The following TLR10 variants were observed in gnomAD, a reference collection of about 807,000 sequenced individuals.
The protein encoded by TLR10 is toll like receptor 10.
For synonymous variants in TLR10, 288 were observed against 338.8 expected, an observed-to-expected ratio of 0.85 and a Z score of 1.65; for missense variants, 929 against 932.9, an observed-to-expected ratio of 1.00 and a Z score of 0.05.
chr4:38,773,123 G>A lies in TLR10; in HGVS notation c.*32C>T. On this transcript the variant is annotated 3_prime_UTR_variant, in exon 4 of 4. Coordinates refer to ENST00000308973, the MANE Select transcript of TLR10 (RefSeq NM_030956.4). ...ATCAATGTACATCCCAACAGTGTAT[G>A]TGGTCCCCAACTTCCCAAGGACTGT... is the stretch of plus-strand genomic sequence containing the variant. The A allele has an allele frequency of 6.7e-7, 1 of 1,500,332 alleles. No homozygotes were observed. The highest frequency in any genetic ancestry group is 8.8e-7 in the Non-Finnish European group (1 of 1,130,374). 92.9% of individuals were successfully genotyped at this position (1,500,332 alleles called of 1,614,324 possible).
At position 38,772,243 on chromosome 4, in the gene TLR10, T is replaced by A. The variant is rs543865486; in HGVS notation, c.*912A>T. ...AGCCAAATGAGTAGGATGTGTAGGC[T>A]GTAAAAACTATCTTTATTTTTTTTC... On this transcript the variant is annotated 3_prime_UTR_variant, in exon 4 of 4. Transcript: ENST00000308973. 2 of 152,234 alleles carry A rather than the reference T, an allele frequency of 1.3e-5. No individual in the cohort carries two copies. The highest frequency in any genetic ancestry group is 4.8e-5 in the African/African-American group (2 of 41,456). The allele number at this position is 152,234 out of a possible 1,614,324, so 9.4% of individuals were successfully genotyped here.
rs1478012327 is a variant in TLR10 at position 38,774,649 on chromosome 4, A to T, written c.942T>A (p.Ile314=). Residue 314 remains isoleucine (I), a synonymous_variant, in exon 4 of 4, where the codon ATT becomes ATA. Coordinates refer to ENST00000308973, the MANE Select transcript of TLR10 (RefSeq NM_030956.4). ...LEHVHFRVFY[I]QQDKIYLLLT... ...AAAGCAAATAGATTTTATCCTGTTG[A>T]ATGTAAAACACTCTGAAATGTACAT... 1 of 1,567,686 alleles carries T rather than the reference A, an allele frequency of 6.4e-7. No individual in the cohort carries two copies. Among genetic ancestry groups the T allele is most frequent in the South Asian group, 1.2e-5 (1 of 82,072 alleles).
At chr4:38,782,093 G>T (rs1475653990) in intron 1 of TLR10, among the ~76,000 whole-genome samples, 2 of 152,076 alleles carry the variant, frequency 1.3e-5, no homozygotes, top group African/African-American at 4.8e-5. Context: ...AAGATGTAAC[G>T]ACATCCTAAG....
chr4:38,779,496 G>GA lies in TLR10; in HGVS notation c.-568-3071dup, dbSNP rs1246577035. Among the ~76,000 whole-genome samples, 17 of 152,186 alleles carry GA rather than the reference G, an allele frequency of 1.1e-4. No homozygotes were observed. In the South Asian group the frequency reaches 1.5e-3, roughly 13 times the overall value. ...TAAATATAACACAGGATAATTATCA[G>GA]AAAAAACAGGTGAATATTCTATTTA... On this transcript the variant is annotated intron_variant, in intron 1 of 3. Transcript: ENST00000308973.
At chr4:38,781,791 A>G (rs566550203) in intron 1 of TLR10, among the ~76,000 whole-genome samples, 1 of 152,380 alleles carries the variant, frequency 6.6e-6, no homozygotes, top group Non-Finnish European at 1.5e-5. Context: ...ATGTTGAATG[A>G]TCTTTGCAAC....
chr4:38,780,275 G>A (rs556863508), intron 1 of TLR10, among the ~76,000 whole-genome samples: 1 of 152,104 alleles, frequency 6.6e-6, no homozygotes, highest in Non-Finnish European at 1.5e-5. Flanking sequence ...GTGGTGGCAT[G>A]TGCCTGTAGT....
chr4:38,780,653 C>G (rs777642368), intron 1 of TLR10, among the ~76,000 whole-genome samples: 1 of 152,022 alleles, frequency 6.6e-6, no homozygotes, highest in South Asian at 2.1e-4. Flanking sequence ...TCGGGTGAAG[C>G]AAGGAAGGCA....
intron 1 of TLR10, among the ~76,000 whole-genome samples, chr4:38,777,060 C>T (rs1725099781): frequency 6.6e-6 from 1 of 152,160 alleles, no homozygotes; most frequent in African/African-American, 2.4e-5. Context: ...CCTCCCACAA[C>T]ATGTGGGAAT....
At chr4:38,781,016 C>CA (rs1232298282) in intron 1 of TLR10, among the ~76,000 whole-genome samples, 1 of 152,182 alleles carries the variant, frequency 6.6e-6, no homozygotes, top group Admixed American at 6.5e-5. Flanking sequence ...GCTGAGAAGT[C>CA]AGAGTTTCTA....
chr4:38,773,397 G>A lies in TLR10; in HGVS notation c.2194C>T (p.Pro732Ser). 1 of 1,613,676 alleles carries A rather than the reference G, an allele frequency of 6.2e-7. No homozygotes were observed. The highest frequency in any genetic ancestry group is 1.1e-5 in the South Asian group (1 of 90,952). ...GTGGGAATGCAATAGAATGGAATGGGTTCCAGTAAGATAAGAATTATATGA... is the reference window on the plus strand; with the variant it reads ...GTGGGAATGCAATAGAATGGAATGGATTCCAGTAAGATAAGAATTATATGA... ...SDHIILILLE[P>S]IPFYCIPTRY... is the part of the protein sequence containing the mutation. The change falls in exon 4 of 4, where the codon CCC becomes TCC. Residue 732 changes from proline (P) to serine (S), a missense_variant. Transcript: ENST00000308973.
In TLR10 at chr4:38,775,440, T is replaced by C. The variant is rs751928251; in HGVS notation, c.151A>G (p.Thr51Ala). The C allele has an allele frequency of 1.2e-6, 2 of 1,614,132 alleles. No homozygotes were observed. The highest frequency in any genetic ancestry group is 1.7e-6 in the Non-Finnish European group (2 of 1,179,998). Residue 51 changes from threonine (T) to alanine (A), a missense_variant, in exon 4 of 4, where the codon ACG becomes GCG. Transcript: ENST00000308973. ...KVPADLTPAT[T>A]TLDLSYNLLF... Reference sequence around the variant, plus strand: ...AGGTTATAGGATAAATCCAGTGTCGTTGTGGCTGGGGTCAAGTCTGCGGGA... The same window carrying C: ...AGGTTATAGGATAAATCCAGTGTCGCTGTGGCTGGGGTCAAGTCTGCGGGA...
In TLR10 at chr4:38,774,332, G is replaced by A; in HGVS notation, c.1259C>T (p.Pro420Leu). 6.2e-7 allele frequency: 1 copy of A among 1,611,426 alleles called. No individual in the cohort carries two copies. Among genetic ancestry groups the A allele is most frequent in the Non-Finnish European group, 8.5e-7 (1 of 1,179,066 alleles). Residue 420 changes from proline (P) to leucine (L), a missense_variant, in exon 4 of 4, where the codon CCA (proline) becomes CTA (leucine). By Grantham distance (98) the Pro-to-Leu change is moderately conservative. Transcript: ENST00000308973. ...CAGATTCATATTGACCACAGTTTCT[G>A]GCCATGAGCAATTTTCATCATTTTT... ...QHKNDENCSW[P>L]ETVVNMNLSY... is the part of the protein sequence containing the mutation.
intron 1 of TLR10, among the ~76,000 whole-genome samples, chr4:38,777,945 C>T (rs914933668): frequency 9.9e-5 from 15 of 152,190 alleles, no homozygotes; most frequent in African/African-American, 1.7e-4. Context: ...AATGCCATTA[C>T]TGGGTATCTA....
chr4:38,782,746 A>G (rs1435022730), intron 1 of TLR10, among the ~76,000 whole-genome samples, 175 bp downstream of exon 1: 1 of 152,242 alleles, frequency 6.6e-6, no homozygotes, highest in Non-Finnish European at 1.5e-5. Context: ...CCTCAGATCA[A>G]TAGCCCCAAG....
intron 1 of TLR10, among the ~76,000 whole-genome samples, chr4:38,776,986 T>A (rs1725094666): frequency 6.6e-6 from 1 of 152,250 alleles, no homozygotes; most frequent in Non-Finnish European, 1.5e-5. Context: ...TGAGACTTAT[T>A]CACTATCATG....
intron 1 of TLR10, among the ~76,000 whole-genome samples, chr4:38,778,804 G>A (rs143666307): frequency 7.1e-4 from 108 of 152,244 alleles, no homozygotes; most frequent in African/African-American, 2.6e-3. Context: ...ACAGAAAGAG[G>A]ATGGGTTAGA....
chr4:38,782,785 GT>G (rs1170849233), intron 1 of TLR10, 135 bp downstream of exon 1: 1 of 152,128 alleles, frequency 6.6e-6, no homozygotes, highest in Non-Finnish European at 1.5e-5. Context: ...AGACAAAATA[GT>G]AAATACTAAA....
chr4:38,773,317 G>A lies in TLR10; in HGVS notation c.2274C>T (p.Pro758=), dbSNP rs772733356. 2.5e-6 allele frequency: 4 copies of A among 1,613,728 alleles called. No homozygotes were observed. The South Asian group carries it at 4.4e-5, about 18-fold the overall frequency. Residue 758 remains proline (P), a synonymous_variant, in exon 4 of 4, where the codon CCC becomes CCT. Coordinates refer to ENST00000308973, the MANE Select transcript of TLR10 (RefSeq NM_030956.4). The part of the protein sequence containing the change: ...LLEKKAYLEW[P]KDRRKCGLFW... ...AAAGCCCACATTTACGCCTATCCTT[G>A]GGCCATTCCAAGTATGCTTTTTTTT...
intron 1 of TLR10, among the ~76,000 whole-genome samples, chr4:38,781,606 G>A (rs1167318325): frequency 6.6e-6 from 1 of 152,114 alleles, no homozygotes; most frequent in Admixed American, 6.5e-5. Context: ...TTAAAAGCAG[G>A]TAAAAAACAG....
Sources: allele counts gnomAD v4.1 joint callset (sites outside exome capture counted in the v4.1 genomes callset), GRCh38; gene constraint gnomAD v4.1.1; transcripts MANE v1.5; gene names NCBI Gene and HGNC (gene_info 2026-07-23, HGNC 2026-07-21).